MIPEP: variants seen among roughly 807,000 people sequenced by gnomAD.
MIPEP encodes mitochondrial intermediate peptidase.
MIPEP carries 79 observed loss-of-function variants against 90.3 expected under a neutral mutation model. The ratio of observed to expected loss-of-function variants is 0.87; its 90% CI spans 0.73 to 1.05. The LOEUF (loss-of-function observed/expected upper bound fraction) is 1.05, where lower values mean the gene tolerates loss of function less well. Among genes scored for constraint, MIPEP ranks in the 50% least tolerant of loss-of-function variants. The pLI is 0.00. For missense variants in MIPEP, 940 were observed against 905.6 expected, an observed-to-expected ratio of 1.04 and a Z score of -0.49; for synonymous variants, 334 against 315.8, an observed-to-expected ratio of 1.06 and a Z score of -0.61.
chr13:23,810,223 T>C (rs533058389), intron 14 of MIPEP, among the ~76,000 whole-genome samples: 1 of 152,334 alleles, frequency 6.6e-6, no homozygotes, highest in Admixed American at 6.5e-5. Context: ...TCAAAGGGAA[T>C]ACTTTTTCTG....
chr13:23,840,233 T>C (rs1274434104), intron 11 of MIPEP, among the ~76,000 whole-genome samples: 1 of 152,216 alleles, frequency 6.6e-6, no homozygotes, highest in Admixed American at 6.5e-5. Context: ...CTACTCTCCA[T>C]CTTGCCTTCT....
chr13:23,886,882 G>T (rs1027313855), intron 1 of MIPEP, among the ~76,000 whole-genome samples: 3 of 151,556 alleles, frequency 2.0e-5, no homozygotes, highest in Non-Finnish European at 2.9e-5. Flanking sequence ...AGCATTTATA[G>T]ATGTTAGCCA....
chr13:23,843,758 G>A (rs1225228152), intron 10 of MIPEP, among the ~76,000 whole-genome samples: 1 of 152,182 alleles, frequency 6.6e-6, no homozygotes, highest in Non-Finnish European at 1.5e-5. Flanking sequence ...CTCTGACAGA[G>A]GGCAGTGGGG....
intron 6 of MIPEP, 62 bp downstream of exon 6, chr13:23,869,951 G>T: frequency 7.4e-7 from 1 of 1,355,128 alleles, no homozygotes; most frequent in Non-Finnish European, 9.9e-7. Flanking sequence ...CTGAATTTTG[G>T]GTTAAAACAG....
At chr13:23,785,711 A>G (rs889382398) in intron 16 of MIPEP, among the ~76,000 whole-genome samples, 2 of 152,084 alleles carry the variant, frequency 1.3e-5, no homozygotes, top group African/African-American at 4.8e-5. Context: ...AACATATATG[A>G]TAGTATGCTA....
chr13:23,882,159 T>C (rs887836884), intron 2 of MIPEP, among the ~76,000 whole-genome samples: 2 of 150,882 alleles, frequency 1.3e-5, no homozygotes, highest in African/African-American at 4.9e-5. Flanking sequence ...AAGCTCCGCC[T>C]CTCGGGTTCA....
intron 4 of MIPEP, among the ~76,000 whole-genome samples, chr13:23,876,593 G>A (rs1871082660): frequency 7.1e-6 from 1 of 141,176 alleles, no homozygotes; most frequent in African/African-American, 2.5e-5. Context: ...TATAAGGGGG[G>A]TTTTTGTTCT....
At chr13:23,868,662 T>TCCTG (rs948415315) in intron 7 of MIPEP, among the ~76,000 whole-genome samples, 17 of 152,096 alleles carry the variant, frequency 1.1e-4, no homozygotes, top group African/African-American at 2.7e-4. Context: ...GCCACCCTAC[T>TCCTG]CCTGACTCAC....
intron 16 of MIPEP, among the ~76,000 whole-genome samples, chr13:23,783,386 TGA>T (rs1361549247): frequency 2.6e-5 from 4 of 152,166 alleles, no homozygotes; most frequent in African/African-American, 9.7e-5. Flanking sequence ...AAAAGGCCTT[TGA>T]CAAAATTCAA....
At chr13:23,760,442 C>T in intron 16 of MIPEP, 3 of 715,298 alleles carry the variant, frequency 4.2e-6, no homozygotes, top group Non-Finnish European at 5.2e-6. Flanking sequence ...CAAAGCCATA[C>T]CTCAGAATGT....
chr13:23,817,642 G>A (rs760750216), intron 14 of MIPEP, among the ~76,000 whole-genome samples: 2 of 152,038 alleles, frequency 1.3e-5, no homozygotes, highest in Admixed American at 1.3e-4. Flanking sequence ...TTAAAATTCC[G>A]ATACCTGCAT....
chr13:23,741,957 A>C (rs1227827665), intron 18 of MIPEP, among the ~76,000 whole-genome samples: 1 of 152,240 alleles, frequency 6.6e-6, no homozygotes, highest in Non-Finnish European at 1.5e-5. Context: ...ATCAGTTAGG[A>C]ACAGTCTGGT....
At chr13:23,754,916 C>A (rs1952475785) in intron 18 of MIPEP, among the ~76,000 whole-genome samples, 1 of 152,250 alleles carries the variant, frequency 6.6e-6, no homozygotes, top group Non-Finnish European at 1.5e-5. Flanking sequence ...TCCTGTCTGA[C>A]AGTACAGGCA....
intron 16 of MIPEP, among the ~76,000 whole-genome samples, chr13:23,772,053 C>CG (rs1952657536): frequency 6.6e-6 from 1 of 152,152 alleles, no homozygotes; most frequent in African/African-American, 2.4e-5. Context: ...CAACTGCCCC[C>CG]CCACTTCCCA....
intron 16 of MIPEP, among the ~76,000 whole-genome samples, chr13:23,805,523 C>A (rs1953098204): frequency 6.6e-6 from 1 of 152,144 alleles, no homozygotes; most frequent in African/African-American, 2.4e-5. Context: ...TGACATGGTA[C>A]TCAACAAGAT....
chr13:23,758,495 C>T (rs563031131), intron 17 of MIPEP, among the ~76,000 whole-genome samples: 2 of 152,254 alleles, frequency 1.3e-5, no homozygotes, highest in African/African-American at 4.8e-5. Flanking sequence ...ATAGTATGTA[C>T]TTTTCTAGTA....
chr13:23,886,438 T>G lies in MIPEP; in HGVS notation c.258A>C (p.Arg86Ser). 6.2e-7 allele frequency: 1 copy of G among 1,607,866 alleles called. No individual in the cohort carries two copies. The highest frequency in any genetic ancestry group is 8.5e-7 in the Non-Finnish European group (1 of 1,176,696). The change falls in exon 2 of 19, where the codon AGA becomes AGC. Residue 86 changes from arginine to serine, a missense_variant. By Grantham distance (110) the Arg-to-Ser change is moderately radical. Coordinates refer to ENST00000382172, the MANE Select transcript of MIPEP (RefSeq NM_005932.4). The stretch of plus-strand genomic sequence containing the variant: ...CACGGTCCACAAGCAATTCTGTCTT[T>G]CTCAAGGCTTTTTCTTGTGCAATAT... ...GFHIAQEKAL[R>S]KTELLVDRAC...
chr13:23,795,743 C>T (rs950088839), intron 16 of MIPEP, among the ~76,000 whole-genome samples: 2 of 151,108 alleles, frequency 1.3e-5, no homozygotes, highest in Non-Finnish European at 2.9e-5. Context: ...AACACAAAAA[C>T]ATTTGAGAAG....
Position 23,869,287 on chromosome 13 carries a change from C to G in MIPEP, c.943+5G>C, listed in dbSNP as rs1845295119. On this transcript the variant is annotated splice_donor_5th_base_variant and intron_variant, in intron 7 of 18. Coordinates refer to ENST00000382172, the MANE Select transcript of MIPEP (RefSeq NM_005932.4). ...TGCCCTTAAATGTTGGATAAACAGG[C>G]TTACCTGGATTTTTAGCTATCGTTC... 6.3e-7 allele frequency: 1 copy of G among 1,582,414 alleles called. No homozygotes were observed. The highest frequency in any genetic ancestry group is 8.6e-7 in the Non-Finnish European group (1 of 1,168,720).
Sources: gnomAD v4.1 joint callset for allele counts (sites outside exome capture counted in the v4.1 genomes callset) on GRCh38, gnomAD v4.1.1 for gene constraint, MANE v1.5 for transcripts, NCBI Gene and HGNC (gene_info 2026-07-23, HGNC 2026-07-21) for gene names.